Variants in SPAG16 observed in about 807,000 individuals in gnomAD.
SPAG16 encodes the protein sperm associated antigen 16.
A neutral mutation model predicts 80.4 loss-of-function variants in SPAG16; 86 were observed. The ratio of observed to expected loss-of-function variants is 1.07; its 90% confidence interval spans 0.90 to 1.28. The LOEUF (loss-of-function observed/expected upper bound fraction) is 1.28. Among genes scored for constraint, SPAG16 ranks in the 50% most tolerant of loss-of-function variants. The pLI is 0.00. For synonymous variants in SPAG16, 294 were observed against 265.9 expected (o/e 1.11, Z -1.03); for missense variants, 870 against 765.3 (o/e 1.14, Z -1.61).
At chr2:214,145,754 T>C (rs933334523) in intron 14 of SPAG16, among the ~76,000 whole-genome samples, 4 of 152,188 alleles carry the variant, frequency 2.6e-5, no homozygotes, top group African/African-American at 9.7e-5. Flanking sequence ...AAGCATTTTT[T>C]TGGGCTTCGG....
chr2:214,165,732 T>C lies in SPAG16; in HGVS notation c.1720+16466T>C, dbSNP rs112504029. 5.7e-3 allele frequency among the ~76,000 whole-genome samples: 864 copies of C among 151,478 alleles called. 10 individuals carry two copies. Among genetic ancestry groups the C allele is most frequent in the African/African-American group, 0.019 (794 of 41,248 alleles). ...CCAACTGAGCATAAAGTGGTGAATA[T>C]GCTGTTGAGAGTAGTGCTTATAACC... is the stretch of plus-strand genomic sequence containing the variant. On this transcript the variant is annotated intron_variant, in intron 15 of 15. Transcript: ENST00000331683.
chr2:213,911,857 C>T (rs915707163), intron 11 of SPAG16, among the ~76,000 whole-genome samples: 9 of 140,798 alleles, frequency 6.4e-5, no homozygotes, highest in Admixed American at 2.1e-4. Flanking sequence ...AAAAAATACA[C>T]ACACGCACAC....
chr2:213,861,506 G>A (rs1208059390), intron 10 of SPAG16, among the ~76,000 whole-genome samples: 3 of 152,086 alleles, frequency 2.0e-5, no homozygotes, highest in Non-Finnish European at 2.9e-5. Flanking sequence ...ATGTCTTACC[G>A]CACCACATTG....
chr2:213,515,495 C>T (rs1473731817), intron 10 of SPAG16, among the ~76,000 whole-genome samples: 3 of 152,188 alleles, frequency 2.0e-5, no homozygotes, highest in Admixed American at 6.5e-5. Context: ...GTCCCTGATG[C>T]GAGCATAAAG....
chr2:213,675,233 TTTGC>T (rs766182982), intron 10 of SPAG16, among the ~76,000 whole-genome samples: 147 of 152,300 alleles, frequency 9.7e-4, no homozygotes, highest in Non-Finnish European at 1.1e-3. Context: ...GATGGGCTTG[TTTGC>T]TTTTTCCTTG....
intron 15 of SPAG16, among the ~76,000 whole-genome samples, chr2:214,252,710 G>A (rs1305602876): frequency 6.6e-6 from 1 of 152,104 alleles, no homozygotes; most frequent in Non-Finnish European, 1.5e-5. Context: ...GGACATTTGG[G>A]TTGGTTCCAA....
At chr2:213,309,388 G>A (rs1370358986) in intron 3 of SPAG16, among the ~76,000 whole-genome samples, 3 of 152,056 alleles carry the variant, frequency 2.0e-5, no homozygotes, top group Non-Finnish European at 4.4e-5. Context: ...GTAAGCTCCT[G>A]TTGTCACTAA....
At chr2:213,606,845 C>A (rs1410278085) in intron 10 of SPAG16, among the ~76,000 whole-genome samples, 1 of 152,212 alleles carries the variant, frequency 6.6e-6, no homozygotes, top group African/African-American at 2.4e-5. Context: ...GCACTACAGT[C>A]CTACCATCTC....
At chr2:213,391,378 C>T (rs570682448) in intron 9 of SPAG16, among the ~76,000 whole-genome samples, 2 of 151,926 alleles carry the variant, frequency 1.3e-5, no homozygotes, top group African/African-American at 2.4e-5. Flanking sequence ...TTTTGTTTAC[C>T]TTAGCATCTG....
intron 15 of SPAG16, among the ~76,000 whole-genome samples, chr2:214,349,622 G>A (rs73989445): frequency 0.064 from 9,719 of 152,212 alleles, 1,021 homozygotes; most frequent in African/African-American, 0.22. Context: ...TGGGTCATAA[G>A]GTATGTGTAA....
intron 10 of SPAG16, among the ~76,000 whole-genome samples, chr2:213,505,008 T>G (rs2074910689): frequency 6.6e-6 from 1 of 152,222 alleles, no homozygotes; most frequent in South Asian, 2.1e-4. Flanking sequence ...ACAGCATAGA[T>G]AAACACTTAT....
At chr2:213,980,270 CTCTATATATATAGAATATATGTGTGT>C (rs1559653033) in intron 12 of SPAG16, among the ~76,000 whole-genome samples, 1,511 of 29,580 alleles carry the variant, frequency 0.051, 265 homozygotes, top group South Asian at 0.18. Context: ...TATATATATT[CTCTATATATATAGAATATATGTGTGT>C]ATATATATTC....
At chr2:214,388,617 G>T (rs1385688304) in intron 15 of SPAG16, among the ~76,000 whole-genome samples, 1 of 152,178 alleles carries the variant, frequency 6.6e-6, no homozygotes, top group Non-Finnish European at 1.5e-5. Context: ...ATCCACGCAT[G>T]TGTCTGATCA....
chr2:213,529,521 T>G (rs530967040), intron 10 of SPAG16, among the ~76,000 whole-genome samples: 24 of 152,334 alleles, frequency 1.6e-4, no homozygotes, highest in Non-Finnish European at 3.1e-4. Context: ...GAGTGTGTTC[T>G]GAGAAGTGTG....
At chr2:214,143,246 T>G (rs971682297) in intron 14 of SPAG16, among the ~76,000 whole-genome samples, 22 of 150,738 alleles carry the variant, frequency 1.5e-4, no homozygotes, top group African/African-American at 4.9e-4. Flanking sequence ...TTTTTTTTTT[T>G]TTTTTTTTTG....
intron 10 of SPAG16, among the ~76,000 whole-genome samples, chr2:213,615,420 G>C (rs1377607262): frequency 2.0e-5 from 3 of 152,102 alleles, no homozygotes; most frequent in Non-Finnish European, 4.4e-5. Flanking sequence ...GTGAGACCCT[G>C]TCTCTACTAA....
intron 11 of SPAG16, among the ~76,000 whole-genome samples, chr2:213,886,774 CA>C (rs967208145): frequency 1.3e-4 from 19 of 150,774 alleles, no homozygotes; most frequent in African/African-American, 3.9e-4. Context: ...TTTTTCCAAC[CA>C]AAAAAAATGA....
chr2:214,123,717 A>G (rs1481872120), intron 14 of SPAG16, among the ~76,000 whole-genome samples: 2 of 152,062 alleles, frequency 1.3e-5, no homozygotes, highest in African/African-American at 2.4e-5. Flanking sequence ...TTAAAATGCA[A>G]TGATCAGAGA....
At chr2:213,741,064 A>C (rs1481327059) in intron 10 of SPAG16, among the ~76,000 whole-genome samples, 1 of 152,206 alleles carries the variant, frequency 6.6e-6, no homozygotes, top group Non-Finnish European at 1.5e-5. Flanking sequence ...TTAACGCCTC[A>C]TAACTTTAGT....
Sources: gnomAD v4.1 joint callset for allele counts (sites outside exome capture counted in the v4.1 genomes callset) on GRCh38, gnomAD v4.1.1 for gene constraint, MANE v1.5 for transcripts, NCBI Gene and HGNC (gene_info 2026-07-23, HGNC 2026-07-21) for gene names.